INO80: variants seen among roughly 807,000 people sequenced by gnomAD.
The protein encoded by INO80 is INO80 complex ATPase subunit.
In INO80, 20 loss-of-function variants were observed where a neutral mutation model predicts 203.4. The observed-to-expected ratio is 0.10, with a 90% CI of 0.07 to 0.14. INO80 has a LOEUF of 0.14. Ranked by LOEUF, INO80 falls within the 10% of genes least tolerant of loss-of-function variation. The pLI is 1.00. For missense variants in INO80, 1,419 were observed against 1,914.4 expected (o/e 0.74, Z 4.83); for synonymous variants, 726 against 685.2 (o/e 1.06, Z -0.93).
At chr15:40,991,987 A>G (rs2043823073) in intron 29 of INO80, among the ~76,000 whole-genome samples, 1 of 152,170 alleles carries the variant, frequency 6.6e-6, no homozygotes, top group African/African-American at 2.4e-5. Context: ...TGTGTTAGCC[A>G]GGATGGTCTC....
rs1283723841 is a variant in INO80, at chr15:41,056,720, T to C, written c.1986-14A>G. The C allele has an allele frequency of 1.9e-6, 3 of 1,607,654 alleles. No individual in the cohort carries two copies. The highest frequency in any genetic ancestry group is 1.3e-5 in the African/African-American group (1 of 74,780). On this transcript the variant is annotated splice_polypyrimidine_tract_variant and intron_variant, in intron 16 of 35. Transcript: ENST00000648947. Reference sequence around the variant, plus strand: ...TTCCAACGAACACTGTTTGATAAAATAAGTTACAAATTCATGTTAGCAATA... The same window carrying C: ...TTCCAACGAACACTGTTTGATAAAACAAGTTACAAATTCATGTTAGCAATA...
In INO80 at chr15:41,025,705, G is replaced by C. The variant is rs143091625; in HGVS notation, c.3048+1891C>G. Among the ~76,000 whole-genome samples the C allele has an allele frequency of 3.6e-3, 546 of 151,832 alleles. 1 individual carries two copies. The highest frequency in any genetic ancestry group is 7.9e-3 in the Admixed American group (121 of 15,222). ...ACTCCAGCCTGGGTGAGAGAGCAAG[G>C]CTCCATCTCAAAAACAAAAACAAAA... On this transcript the variant is annotated intron_variant, in intron 25 of 35. Coordinates refer to ENST00000648947, the MANE Select transcript of INO80 (RefSeq NM_017553.3).
chr15:40,982,058 G>A (rs149662674), intron 35 of INO80, among the ~76,000 whole-genome samples: 61 of 152,274 alleles, frequency 4.0e-4, no homozygotes, highest in African/African-American at 1.2e-3. Context: ...GTATTTTGCC[G>A]TGGATTGCTG....
intron 1 of INO80, among the ~76,000 whole-genome samples, chr15:41,107,120 A>G (rs1343572064): frequency 6.6e-6 from 1 of 152,234 alleles, no homozygotes; most frequent in East Asian, 1.9e-4. Context: ...CATTTGTGAT[A>G]CAGTTAGTTT....
At chr15:41,062,042 A>G (rs1244286743) in intron 14 of INO80, among the ~76,000 whole-genome samples, 1 of 152,172 alleles carries the variant, frequency 6.6e-6, no homozygotes, top group Non-Finnish European at 1.5e-5. Flanking sequence ...GGAAGCAGAA[A>G]TATGCAGGAA....
intron 4 of INO80, 52 bp from the exon 5 acceptor site, chr15:41,092,234 T>C (rs760295630): frequency 2.1e-6 from 3 of 1,461,610 alleles, no homozygotes; most frequent in South Asian, 1.3e-5. Flanking sequence ...CAATCCCATT[T>C]ATAATCCAAG....
At chr15:41,087,772 A>C in intron 5 of INO80, 90 bp from the exon 6 acceptor site, 1 of 1,304,730 alleles carries the variant, frequency 7.7e-7, no homozygotes, top group South Asian at 1.5e-5. Flanking sequence ...AGAGGAAATC[A>C]TAGCTCCTAA....
chr15:41,110,648 C>G (rs2045946771), intron 1 of INO80, among the ~76,000 whole-genome samples: 1 of 152,174 alleles, frequency 6.6e-6, no homozygotes, highest in Non-Finnish European at 1.5e-5. Context: ...CCAGGCTGGT[C>G]TCAAACTCCT....
chr15:41,001,708 A>G (rs1380218873), intron 28 of INO80, among the ~76,000 whole-genome samples: 1 of 152,220 alleles, frequency 6.6e-6, no homozygotes, highest in Non-Finnish European at 1.5e-5. Context: ...CTGGCCAAAC[A>G]GTCTTTAGTC....
chr15:41,025,864 A>C (rs1427363605), intron 25 of INO80, among the ~76,000 whole-genome samples: 1 of 152,240 alleles, frequency 6.6e-6, no homozygotes, highest in Non-Finnish European at 1.5e-5. Flanking sequence ...GAACAAAACC[A>C]ACCACACAAC....
At chr15:41,095,445 A>G (rs1312634807) in intron 4 of INO80, among the ~76,000 whole-genome samples, 156 bp downstream of exon 4, 1 of 152,144 alleles carries the variant, frequency 6.6e-6, no homozygotes, top group African/African-American at 2.4e-5. Flanking sequence ...AATCCTCCAG[A>G]TTTTCTCAAT....
chr15:41,025,220 T>C (rs867896386), intron 25 of INO80, among the ~76,000 whole-genome samples: 2 of 152,208 alleles, frequency 1.3e-5, no homozygotes, highest in South Asian at 2.1e-4. Flanking sequence ...GCAGGCATGG[T>C]AGCTGGGATT....
chr15:41,040,329 C>T (rs973685856), intron 24 of INO80, among the ~76,000 whole-genome samples: 2 of 152,144 alleles, frequency 1.3e-5, no homozygotes, highest in African/African-American at 4.8e-5. Flanking sequence ...TCAAGACTTA[C>T]CGTGAAGCTG....
In INO80 at chr15:40,980,086, C is replaced by A; in HGVS notation, c.*137G>T. ...TAAAAGTGCTCACACCATCCACCTG[C>A]CTGTCCTTCCCCTGCTGGACATTTC... On this transcript the variant is annotated 3_prime_UTR_variant, in exon 36 of 36. Transcript: ENST00000648947. 1.4e-6 allele frequency: 1 copy of A among 739,212 alleles called. No individual in the cohort carries two copies. 45.8% of individuals were successfully genotyped at this position (739,212 alleles called of 1,614,324 possible). A position where few individuals can be genotyped will look rare whatever the true frequency, so the allele number is the denominator to read the frequency against.
rs936785417 is a variant in INO80 at position 41,059,932 on chromosome 15, A to C, written c.1783-6T>G. The C allele has an allele frequency of 6.3e-7, 1 of 1,589,580 alleles. No homozygotes were observed. The highest frequency in any genetic ancestry group is 1.3e-5 in the African/African-American group (1 of 74,284). ...TTTCCCCAATATGGTAGCACCTAGA[A>C]AAAGGGCCAATATATACATTACTTT... On this transcript the variant is annotated splice_region_variant and splice_polypyrimidine_tract_variant and intron_variant, in intron 14 of 35. Transcript: ENST00000648947.
At chr15:41,000,717 A>AAG (rs1387224843) in intron 28 of INO80, among the ~76,000 whole-genome samples, 1 of 151,014 alleles carries the variant, frequency 6.6e-6, no homozygotes, top group East Asian at 1.9e-4. Flanking sequence ...AAAAAAAAAA[A>AAG]AAAAAAAAAA....
At chr15:41,075,838 C>A (rs372550206) in intron 9 of INO80, among the ~76,000 whole-genome samples, 11 of 152,148 alleles carry the variant, frequency 7.2e-5, no homozygotes, top group African/African-American at 2.4e-4. Context: ...GTGATCGGCC[C>A]ACATTCAGCC....
chr15:41,037,977 C>T (rs1050033170), intron 24 of INO80, among the ~76,000 whole-genome samples: 2 of 151,378 alleles, frequency 1.3e-5, no homozygotes, highest in African/African-American at 4.9e-5. Context: ...TTGCGCACCC[C>T]CACCAAATGC....
At chr15:41,102,832 T>C (rs2045829485) in intron 1 of INO80, among the ~76,000 whole-genome samples, 1 of 152,120 alleles carries the variant, frequency 6.6e-6, no homozygotes. Context: ...TTAATAATCT[T>C]TGAAAACTTG....
Sources: gnomAD v4.1 joint callset for allele counts (sites outside exome capture counted in the v4.1 genomes callset) on GRCh38, gnomAD v4.1.1 for gene constraint, MANE v1.5 for transcripts, NCBI Gene and HGNC (gene_info 2026-07-23, HGNC 2026-07-21) for gene names.